Variants in SORBS2 observed in about 807,000 individuals in gnomAD.
The protein encoded by SORBS2 is sorbin and SH3 domain containing 2.
In SORBS2, 46 loss-of-function variants were observed where a neutral mutation model predicts 97.7. The observed-to-expected ratio is 0.47, with a 90% confidence interval of 0.37 to 0.60. The LOEUF (loss-of-function observed/expected upper bound fraction) is 0.60, where lower values mean the gene tolerates loss of function less well. Ranked by LOEUF, SORBS2 falls within the 20% of genes least tolerant of loss-of-function variation. SORBS2 has a pLI of 0.00. For synonymous variants in SORBS2, 476 were observed against 473.4 expected, an observed-to-expected ratio of 1.01 and a Z score of -0.07; for missense variants, 1,316 against 1,282.3, an observed-to-expected ratio of 1.03 and a Z score of -0.40.
intron 2 of SORBS2, among the ~76,000 whole-genome samples, chr4:185,688,525 G>C (rs2098023414): frequency 6.6e-6 from 1 of 151,968 alleles, no homozygotes; most frequent in Non-Finnish European, 1.5e-5. Flanking sequence ...TAGATAGATA[G>C]ATAGATAGAC....
At chr4:185,826,540 G>A (rs6814512) in intron 1 of SORBS2, among the ~76,000 whole-genome samples, 138,058 of 152,302 alleles carry the variant, frequency 0.91, 62,676 homozygotes, top group East Asian at 1. Context: ...GAGGATATGC[G>A]AATGTACTGC....
intron 1 of SORBS2, among the ~76,000 whole-genome samples, chr4:185,835,392 A>C (rs201509216): frequency 8.2e-4 from 125 of 152,336 alleles, no homozygotes; most frequent in Non-Finnish European, 1.6e-3. Flanking sequence ...TTTCAATTCT[A>C]ACGGTGTTCA....
chr4:185,631,061 C>G (rs2096898362), intron 4 of SORBS2, among the ~76,000 whole-genome samples: 1 of 152,050 alleles, frequency 6.6e-6, no homozygotes, highest in Non-Finnish European at 1.5e-5. Context: ...TTGTTGTTAC[C>G]AAGTATTGTC....
At chr4:185,700,227 A>C (rs1197419671) in intron 2 of SORBS2, among the ~76,000 whole-genome samples, 1 of 152,218 alleles carries the variant, frequency 6.6e-6, no homozygotes, top group East Asian at 1.9e-4. Context: ...TGTCTAAATG[A>C]ACAGTGGTTT....
intron 1 of SORBS2, among the ~76,000 whole-genome samples, chr4:185,914,631 GA>G (rs1249204832): frequency 1.3e-5 from 2 of 152,222 alleles, no homozygotes; most frequent in African/African-American, 4.8e-5. Context: ...ACCCAGGCCT[GA>G]AAGAATCTAT....
At chr4:185,644,362 C>A (rs548974758) in intron 4 of SORBS2, among the ~76,000 whole-genome samples, 1 of 152,278 alleles carries the variant, frequency 6.6e-6, no homozygotes, top group South Asian at 2.1e-4. Flanking sequence ...GTGGTAACTA[C>A]TTAGGGCCTA....
intron 2 of SORBS2, among the ~76,000 whole-genome samples, chr4:185,688,068 T>C (rs2098005532): frequency 6.6e-6 from 1 of 152,190 alleles, no homozygotes. Context: ...AGATGGATAA[T>C]TATTTGATGT....
chr4:185,838,876 G>A (rs551496195), intron 1 of SORBS2, among the ~76,000 whole-genome samples: 1 of 152,156 alleles, frequency 6.6e-6, no homozygotes, highest in African/African-American at 2.4e-5. Context: ...AGAATCACCA[G>A]AAGGTATCAC....
Position 185,670,525 on chromosome 4 carries a change from G to T in SORBS2, c.-46+7898C>A, listed in dbSNP as rs200680530. 9.9e-4 allele frequency among the ~76,000 whole-genome samples: 151 copies of T among 151,966 alleles called. 1 individual carries two copies. The highest frequency in any genetic ancestry group is 6.8e-3 in the East Asian group (35 of 5,154). On this transcript the variant is annotated intron_variant, in intron 4 of 20. Transcript: ENST00000284776. The stretch of plus-strand genomic sequence containing the variant: ...GGAACATAAGGAATATATATTAAAT[G>T]TCAAGCAAAGAAATCTGACAGGCTT...
At chr4:185,751,577 G>T (rs888046881) in intron 2 of SORBS2, among the ~76,000 whole-genome samples, 8 of 152,138 alleles carry the variant, frequency 5.3e-5, no homozygotes, top group Admixed American at 6.5e-5. Context: ...TGCCCAGTAG[G>T]TCCTCAGAAG....
intron 2 of SORBS2, among the ~76,000 whole-genome samples, chr4:185,750,801 C>T (rs2098794056): frequency 6.6e-6 from 1 of 152,044 alleles, no homozygotes; most frequent in South Asian, 2.1e-4. Flanking sequence ...TTTTGGCTGT[C>T]AATTACATTT....
intron 1 of SORBS2, among the ~76,000 whole-genome samples, chr4:185,926,008 G>C (rs1030747043): frequency 1.3e-5 from 2 of 152,164 alleles, no homozygotes; most frequent in East Asian, 1.9e-4. Flanking sequence ...CAGACACAGG[G>C]AACAGCACAC....
At chr4:185,650,510 G>A (rs2097295450) in intron 2 of SORBS2, among the ~76,000 whole-genome samples, 1 of 152,190 alleles carries the variant, frequency 6.6e-6, no homozygotes. Context: ...TTGTAGGGCT[G>A]TACAAAGTAA....
intron 1 of SORBS2, among the ~76,000 whole-genome samples, chr4:185,953,875 G>T (rs1013210343): frequency 6.6e-6 from 1 of 152,248 alleles, no homozygotes; most frequent in African/African-American, 2.4e-5. Flanking sequence ...GGGAGTAGGC[G>T]CAGAGCTGGG....
chr4:185,623,808 C>T lies in SORBS2; in HGVS notation c.1321G>A (p.Glu441Lys). ...GGACATAGGCCATTTTGCGGTGGTT[C>T]TAGGGTTACGGGAGACAGCATGTCA... is the stretch of plus-strand genomic sequence containing the variant. The change falls in exon 7 of 15, where the codon GAA (glutamate) becomes AAA (lysine). Residue 441 changes from glutamate (E) to lysine (K), a missense_variant. Physicochemically the swap from Glu to Lys is moderately conservative, Grantham distance 56. Coordinates refer to ENST00000418609, the Ensembl canonical transcript of SORBS2. This position sits in a 1 kb window ranked among gnomAD's most constrained non-coding sequence, Gnocchi z 6.4. The T allele has an allele frequency of 6.2e-7, 1 of 1,613,742 alleles. No homozygotes were observed. The highest frequency in any genetic ancestry group is 8.5e-7 in the Non-Finnish European group (1 of 1,179,958).
At chr4:185,692,201 G>C (rs4637444) in intron 2 of SORBS2, among the ~76,000 whole-genome samples, 4,014 of 152,224 alleles carry the variant, frequency 0.026, 168 homozygotes, top group African/African-American at 0.091. Context: ...GTCTGACCCC[G>C]GCCACTTGGC....
chr4:185,738,257 T>C (rs1365021548), intron 2 of SORBS2, among the ~76,000 whole-genome samples: 3 of 152,222 alleles, frequency 2.0e-5, no homozygotes, highest in Non-Finnish European at 4.4e-5. Flanking sequence ...TCTGAGAAAT[T>C]GGCTGCTTTC....
intron 4 of SORBS2, among the ~76,000 whole-genome samples, chr4:185,639,791 G>A (rs73030020): frequency 1.3e-3 from 196 of 152,266 alleles, no homozygotes; most frequent in African/African-American, 4.5e-3. Flanking sequence ...TATTCTAGGA[G>A]GACTATTAAG....
At chr4:185,842,637 A>G (rs1431433043) in intron 1 of SORBS2, among the ~76,000 whole-genome samples, 2 of 152,180 alleles carry the variant, frequency 1.3e-5, no homozygotes, top group Admixed American at 1.3e-4. Context: ...TGGAGTAAAT[A>G]TTAAAAATAT....
Sources: gnomAD v4.1 joint callset for allele counts (sites outside exome capture counted in the v4.1 genomes callset) on GRCh38, gnomAD v4.1.1 for gene constraint, Gnocchi (gnomAD v3.1) non-coding constraint, MANE v1.5 for transcripts, NCBI Gene and HGNC (gene_info 2026-07-23, HGNC 2026-07-21) for gene names.